The following PCM1 variants were observed in gnomAD, a reference collection of about 807,000 sequenced individuals.
PCM1 encodes pericentriolar material 1 protein.
PCM1 carries 157 observed loss-of-function variants against 241.9 expected under a neutral mutation model. The ratio of observed to expected loss-of-function variants is 0.65; its 90% confidence interval spans 0.57 to 0.74. The LOEUF is 0.74. Among genes scored for constraint, PCM1 ranks in the 30% least tolerant of loss-of-function variants. The pLI, the probability that PCM1 is intolerant of heterozygous loss-of-function variation, is 0.00. For missense variants in PCM1, 3,478 were observed against 2,360.1 expected (o/e 1.47, Z -9.81); for synonymous variants, 1,085 against 784.9 (o/e 1.38, Z -6.39).
intron 20 of PCM1, among the ~76,000 whole-genome samples, chr8:17,966,675 A>C (rs890441930): frequency 6.6e-6 from 1 of 152,212 alleles, no homozygotes; most frequent in African/African-American, 2.4e-5. Flanking sequence ...TATGTTATTG[A>C]ATTTTACTTA....
At position 17,939,668 on chromosome 8, in the gene PCM1, TAAA is replaced by T; in HGVS notation, c.613-17_613-15del. On this transcript the variant is annotated intron_variant, in intron 5 of 38. Coordinates refer to ENST00000325083, the MANE Select transcript of PCM1 (RefSeq NM_006197.4). ...ATATTGTGTACTTTCATGCTTTTTT[TAAA>T]AAAAATATTTCCCCTGCAGATTGTA... 7.0e-7 allele frequency: 1 copy of T among 1,431,518 alleles called. No homozygotes were observed. The highest frequency in any genetic ancestry group is 9.3e-7 in the Non-Finnish European group (1 of 1,070,890). 88.7% of individuals were successfully genotyped at this position (1,431,518 alleles called of 1,614,324 possible). A position where few individuals can be genotyped will look rare whatever the true frequency, so the allele number is the denominator to read the frequency against.
At chr8:17,955,957 C>T (rs1018539161) in intron 10 of PCM1, 3 of 381,764 alleles carry the variant, frequency 7.9e-6, no homozygotes, top group African/African-American at 2.1e-5. Flanking sequence ...GCTGTAGAAT[C>T]AGACAGCCCT....
At chr8:17,926,397 G>C (rs2056966097) in intron 2 of PCM1, 2 of 152,188 alleles carry the variant, frequency 1.3e-5, no homozygotes, top group African/African-American at 4.8e-5. Context: ...TTACGGATTT[G>C]AGTGCTAGGC....
At chr8:17,970,501 G>T (rs2076476427) in intron 22 of PCM1, among the ~76,000 whole-genome samples, 1 of 151,142 alleles carries the variant, frequency 6.6e-6, no homozygotes, top group Non-Finnish European at 1.5e-5. Context: ...CACTAGGAGT[G>T]CTATGATTAA....
At chr8:17,931,142 A>G (rs950306609) in intron 2 of PCM1, among the ~76,000 whole-genome samples, 4 of 152,156 alleles carry the variant, frequency 2.6e-5, no homozygotes, top group African/African-American at 4.8e-5. Context: ...AACTAATTAG[A>G]GTGTACAGTT....
intron 5 of PCM1, 90 bp downstream of exon 5, chr8:17,939,099 A>G: frequency 1.6e-6 from 2 of 1,288,792 alleles, no homozygotes; most frequent in South Asian, 1.4e-5. Context: ...GCACACAGGA[A>G]TTTTAGTTGG....
At position 18,010,624 on chromosome 8, in the gene PCM1, G is replaced by A. The variant is rs373709208; in HGVS notation, c.5176G>A (p.Glu1726Lys). Residue 1726 changes from glutamate to lysine, a missense_variant, in exon 32 of 39, where the codon GAA becomes AAA. Physicochemically the swap from Glu to Lys is moderately conservative, Grantham distance 56. Coordinates refer to ENST00000325083, the MANE Select transcript of PCM1 (RefSeq NM_006197.4). ...TGTTTTAAAGGCTAAAAGGATTCTT[G>A]AAGATCATGGCTCACCTGCTGGAGA... ...SCAKEAKRIL[E>K]DHGSPAGEID... 2 of 1,602,940 alleles carry A rather than the reference G, an allele frequency of 1.2e-6. No individual in the cohort carries two copies. The highest frequency in any genetic ancestry group is 1.7e-6 in the Non-Finnish European group (2 of 1,174,268).
chr8:17,937,296 A>C lies in PCM1; in HGVS notation c.259A>C (p.Arg87=). ...TKTPHTFPHS[R]YMSQMSVPEQ... ...GACTCCACATACGTTCCCACACAGTAGATACATGAGTCAGATGTCTGTCCC... is the reference window on the plus strand; with the variant it reads ...GACTCCACATACGTTCCCACACAGTCGATACATGAGTCAGATGTCTGTCCC... The change falls in exon 4 of 39, where the codon AGA becomes CGA. Residue 87 remains arginine (R), a synonymous_variant. Transcript: ENST00000325083. The C allele has an allele frequency of 6.2e-7, 1 of 1,609,452 alleles. No homozygotes were observed.
At chr8:18,025,008 G>C (rs530407520) in intron 36 of PCM1, 1 of 167,766 alleles carries the variant, frequency 6.0e-6, no homozygotes, top group African/African-American at 2.4e-5. Context: ...GTTTGTAAGT[G>C]GTTACTTACA....
intron 21 of PCM1, among the ~76,000 whole-genome samples, chr8:17,969,041 G>A (rs1156300862): frequency 6.6e-6 from 1 of 151,904 alleles, no homozygotes; most frequent in Non-Finnish European, 1.5e-5. Flanking sequence ...CACGTTGTTA[G>A]TAGCCTCTTG....
At chr8:17,940,069 C>A (rs762926338) in intron 6 of PCM1, 1 of 1,578,838 alleles carries the variant, frequency 6.3e-7, no homozygotes, top group Non-Finnish European at 8.6e-7. Flanking sequence ...GGAGGATGTT[C>A]GGACTATAGA....
intron 38 of PCM1, among the ~76,000 whole-genome samples, chr8:18,025,927 G>C (rs2094158900): frequency 6.6e-6 from 1 of 152,002 alleles, no homozygotes; most frequent in Non-Finnish European, 1.5e-5. Flanking sequence ...CACTTTGGGA[G>C]GCCAAGGCGG....
At chr8:17,966,914 C>T (rs1163543740) in intron 20 of PCM1, 66 bp from the exon 21 acceptor site, 2 of 1,390,114 alleles carry the variant, frequency 1.4e-6, no homozygotes, top group Non-Finnish European at 9.8e-7. Context: ...ATGTATTCTT[C>T]CTGAATGTAC....
At chr8:17,979,243 CAG>C (rs2079841206) in intron 23 of PCM1, among the ~76,000 whole-genome samples, 1 of 151,828 alleles carries the variant, frequency 6.6e-6, no homozygotes, top group Non-Finnish European at 1.5e-5. Flanking sequence ...AGGAACTAAA[CAG>C]GGATTCCTTC....
In PCM1 at chr8:18,010,666, A is replaced by G. The variant is rs1227305647; in HGVS notation, c.5218A>G (p.Lys1740Glu). 3.8e-6 allele frequency: 6 copies of G among 1,597,336 alleles called. No individual in the cohort carries two copies. The East Asian group carries it at 1.1e-4, about 30-fold the overall frequency. Residue 1740 changes from lysine (K) to glutamate (E), a missense_variant and splice_region_variant, in exon 32 of 39, where the codon AAA becomes GAA. Transcript: ENST00000325083. ...TGCTGGAGAGATTGATGATGAAGAC[A>G]AAGTATGTGCTAATTAATTTTTGCC... ...SPAGEIDDEDKDKDETETVKQ... is the reference protein window; with the variant it reads ...SPAGEIDDEDEDKDETETVKQ...
At chr8:17,998,411 C>T (rs973484867) in intron 29 of PCM1, among the ~76,000 whole-genome samples, 1 of 152,158 alleles carries the variant, frequency 6.6e-6, no homozygotes, top group Non-Finnish European at 1.5e-5. Context: ...TTTGCAGACT[C>T]ATAGCGGTAT....
At chr8:18,020,439 C>T (rs2093660893) in intron 36 of PCM1, among the ~76,000 whole-genome samples, 1 of 152,142 alleles carries the variant, frequency 6.6e-6, no homozygotes, top group South Asian at 2.1e-4. Context: ...TTTATGATAT[C>T]CTTCTCCTGT....
Position 18,011,256 on chromosome 8 carries a change from C to T in PCM1, c.5240C>T (p.Thr1747Ile). Reference protein sequence around the residue: ...DEDKDKDETETVKQTQTSEVY... With the variant: ...DEDKDKDETEIVKQTQTSEVY... ...GTCTAGGACAAGGATGAAACTGAAA[C>T]AGTTAAGCAGACTCAAACATCTGAG... Residue 1747 changes from threonine to isoleucine, a missense_variant, in exon 33 of 39, where the codon ACA (threonine) becomes ATA (isoleucine). Coordinates refer to ENST00000325083, the MANE Select transcript of PCM1 (RefSeq NM_006197.4). The T allele has an allele frequency of 6.2e-7, 1 of 1,604,596 alleles. No homozygotes were observed. The highest frequency in any genetic ancestry group is 8.5e-7 in the Non-Finnish European group (1 of 1,175,404).
chr8:17,964,955 C>T (rs1474636628), intron 18 of PCM1, among the ~76,000 whole-genome samples, 187 bp downstream of exon 18: 1 of 152,134 alleles, frequency 6.6e-6, no homozygotes, highest in Non-Finnish European at 1.5e-5. Context: ...AGACTGCCCT[C>T]ACCTCAGACT....
Sources: allele counts gnomAD v4.1 joint callset (sites outside exome capture counted in the v4.1 genomes callset), GRCh38; gene constraint gnomAD v4.1.1; transcripts MANE v1.5; gene names NCBI Gene and HGNC (gene_info 2026-07-23, HGNC 2026-07-21).